INPP5A: variants seen among roughly 807,000 people sequenced by gnomAD.
The protein encoded by INPP5A is 43 kDa inositol polyphosphate 5-phophatase.
In INPP5A, 14 loss-of-function variants were observed where a neutral mutation model predicts 65.2. The observed-to-expected ratio is 0.21, with a 90% CI of 0.14 to 0.34. The LOEUF is 0.34. Among genes scored for constraint, INPP5A ranks in the 10% least tolerant of loss-of-function variants. The pLI is 1.00. For synonymous variants in INPP5A, 207 were observed against 208.3 expected (o/e 0.99, Z 0.05); for missense variants, 431 against 545.6 (o/e 0.79, Z 2.09).
chr10:132,782,056 C>A lies in INPP5A; in HGVS notation c.*27C>A. ...TGACAGGGAAGAGATGCCAGCGCCA[C>A]GAGAGGACACTTCGTGAGCCTCCCT... On this transcript the variant is annotated 3_prime_UTR_variant, in exon 16 of 16. Coordinates refer to ENST00000368594, the MANE Select transcript of INPP5A (RefSeq NM_005539.5). This position sits in a 1 kb window ranked among gnomAD's most constrained non-coding sequence, Gnocchi z 4.4. The A allele has an allele frequency of 1.3e-6, 2 of 1,569,486 alleles. No individual in the cohort carries two copies. The highest frequency in any genetic ancestry group is 8.7e-7 in the Non-Finnish European group (1 of 1,154,448).
chr10:132,770,308 G>C (rs779597880), intron 12 of INPP5A, among the ~76,000 whole-genome samples: 2 of 152,256 alleles, frequency 1.3e-5, no homozygotes, highest in Non-Finnish European at 2.9e-5. Flanking sequence ...GCCGGCCATC[G>C]GGTGGCTCCT....
At chr10:132,556,172 T>C (rs2071122663) in intron 1 of INPP5A, among the ~76,000 whole-genome samples, 1 of 152,158 alleles carries the variant, frequency 6.6e-6, no homozygotes, top group African/African-American at 2.4e-5. Context: ...GATGGCACGC[T>C]CCGGGGGCTG....
chr10:132,705,614 G>A lies in INPP5A; in HGVS notation c.475-2699G>A, dbSNP rs538360346. 1.1e-3 allele frequency among the ~76,000 whole-genome samples: 164 copies of A among 152,384 alleles called. 2 individuals carry two copies. The highest frequency in any genetic ancestry group is 3.8e-3 in the African/African-American group (160 of 41,594). On this transcript the variant is annotated intron_variant, in intron 6 of 15. Transcript: ENST00000368594. The surrounding 1 kb of genome is among the most constrained non-coding windows in gnomAD (Gnocchi z 4.9). The stretch of plus-strand genomic sequence containing the variant: ...TACCTTATGCTCAATTCTTCTGGAA[G>A]CCTAAAGCTGCTCTGAAAAATAAAG...
chr10:132,683,862 G>A (rs945792379), intron 4 of INPP5A, among the ~76,000 whole-genome samples: 1 of 152,126 alleles, frequency 6.6e-6, no homozygotes, highest in African/African-American at 2.4e-5. Flanking sequence ...TTACAAGCAT[G>A]GGCCACCACA....
chr10:132,555,396 T>C lies in INPP5A; in HGVS notation c.75+17225T>C, dbSNP rs1237456390. Among the ~76,000 whole-genome samples the C allele has an allele frequency of 6.6e-6, 1 of 152,076 alleles. No individual in the cohort carries two copies. Among genetic ancestry groups the C allele is most frequent in the African/African-American group, 2.4e-5 (1 of 41,388 alleles). ...GAGCTGCTGGGGCCTATCTGTTTTT[T>C]TGAACTTCTGATAAGTTGCCTGGCC... On this transcript the variant is annotated intron_variant, in intron 1 of 15. Coordinates refer to ENST00000368594, the MANE Select transcript of INPP5A (RefSeq NM_005539.5). The surrounding 1 kb of genome is among the most constrained non-coding windows in gnomAD (Gnocchi z 4.4).
rs1188929098 is a variant in INPP5A, at chr10:132,674,363, C to T, written c.307-16029C>T. Among the ~76,000 whole-genome samples, 6 of 152,340 alleles carry T rather than the reference C, an allele frequency of 3.9e-5. No homozygotes were observed. The East Asian group carries it at 1.2e-3, about 29-fold the overall frequency. ...CGGGTGCACTGCTTGAAGTTCTGCC[C>T]ACTGGGAAGATTTCCCTTCACCGCT... On this transcript the variant is annotated intron_variant, in intron 4 of 15. Coordinates refer to ENST00000368594, the MANE Select transcript of INPP5A (RefSeq NM_005539.5). This position sits in a 1 kb window ranked among gnomAD's most constrained non-coding sequence, Gnocchi z 4.4.
intron 1 of INPP5A, among the ~76,000 whole-genome samples, chr10:132,548,061 G>A (rs1297208336): frequency 6.6e-6 from 1 of 152,016 alleles, no homozygotes; most frequent in African/African-American, 2.4e-5. Flanking sequence ...CACCACACCC[G>A]GCTAAATTTT....
intron 14 of INPP5A, 148 bp downstream of exon 14, chr10:132,781,065 C>T (rs1273507958): frequency 3.1e-6 from 2 of 652,586 alleles, no homozygotes; most frequent in African/African-American, 1.8e-5. Flanking sequence ...GTTCTCCTGT[C>T]TTCTTAGTCT....
intron 4 of INPP5A, among the ~76,000 whole-genome samples, chr10:132,686,174 C>G (rs577856287): frequency 1.3e-5 from 2 of 152,148 alleles, no homozygotes; most frequent in Non-Finnish European, 2.9e-5. Context: ...TGGCCCGCAC[C>G]GGATCGACTT....
intron 1 of INPP5A, among the ~76,000 whole-genome samples, chr10:132,589,070 T>C (rs1325489178): frequency 6.6e-6 from 1 of 152,216 alleles, no homozygotes; most frequent in Non-Finnish European, 1.5e-5. Context: ...CAGTGGTCAC[T>C]GTTTCTTGGA....
intron 11 of INPP5A, among the ~76,000 whole-genome samples, chr10:132,756,345 T>C (rs1020555279): frequency 1.3e-4 from 20 of 152,108 alleles, no homozygotes; most frequent in Non-Finnish European, 5.9e-5. Context: ...GTGTGGTGTA[T>C]GCATGTGTGT....
At chr10:132,629,511 C>T (rs1362566671) in intron 2 of INPP5A, among the ~76,000 whole-genome samples, 2 of 152,192 alleles carry the variant, frequency 1.3e-5, no homozygotes, top group Non-Finnish European at 2.9e-5. Flanking sequence ...GGCTGTGGGG[C>T]GACGGGAGAC....
rs541825762 is a variant in INPP5A, at chr10:132,759,066, C to T, written c.904-6707C>T. Among the ~76,000 whole-genome samples, 114 of 152,358 alleles carry T rather than the reference C, an allele frequency of 7.5e-4. 1 individual carries two copies. Among genetic ancestry groups the T allele is most frequent in the Non-Finnish European group, 1.2e-3 (85 of 68,036 alleles). On this transcript the variant is annotated intron_variant, in intron 11 of 15. Transcript: ENST00000368594. ...TTGCAGAGACTTTTCTCCCCGAAGG[C>T]GGAGTTCTGATTTCCAGAGCACTGT...
intron 6 of INPP5A, among the ~76,000 whole-genome samples, chr10:132,699,171 G>A (rs140755962): frequency 0.026 from 3,885 of 152,314 alleles, 68 homozygotes; most frequent in Middle Eastern, 0.041. Context: ...GGCCACCTGT[G>A]GTGCAGGCCC....
chr10:132,613,623 C>T (rs1020865036), intron 2 of INPP5A, among the ~76,000 whole-genome samples: 2 of 152,198 alleles, frequency 1.3e-5, no homozygotes, highest in Admixed American at 6.5e-5. Flanking sequence ...GAGATTTCAG[C>T]GCCAATCCCC....
Position 132,650,414 on chromosome 10 carries a change from C to T in INPP5A, c.219-4C>T, listed in dbSNP as rs375468257. On this transcript the variant is annotated splice_polypyrimidine_tract_variant and splice_region_variant and intron_variant, in intron 3 of 15. Coordinates refer to ENST00000368594, the MANE Select transcript of INPP5A (RefSeq NM_005539.5). The surrounding 1 kb of genome is among the most constrained non-coding windows in gnomAD (Gnocchi z 5.5). ...TCCTCAGGAACCTACTTTCTTCCTT[C>T]CAGAGAACTATTGTCGAGTGATGCG... The T allele has an allele frequency of 1.7e-5, 27 of 1,610,794 alleles. No individual in the cohort carries two copies. The African/African-American group carries it at 3.5e-4, about 21-fold the overall frequency.
In INPP5A at chr10:132,735,454, C is replaced by T. The variant is rs767412592; in HGVS notation, c.732+8549C>T. 5.9e-5 allele frequency among the ~76,000 whole-genome samples: 9 copies of T among 152,228 alleles called. No individual in the cohort carries two copies. The South Asian group carries it at 1.0e-3, about 17-fold the overall frequency. ...GGGAATGCTGGAGGCTGGGGGCAGG[C>T]GGTGCCCGGTGGCACGGGCGCCCTG... On this transcript the variant is annotated intron_variant, in intron 9 of 15. Transcript: ENST00000368594.
chr10:132,743,641 C>G (rs1337939987), intron 9 of INPP5A, among the ~76,000 whole-genome samples: 2 of 152,242 alleles, frequency 1.3e-5, no homozygotes, highest in Non-Finnish European at 2.9e-5. Flanking sequence ...TGGACTCACT[C>G]CTCGTCACGT....
In INPP5A at chr10:132,542,176, C is replaced by T. The variant is rs140299984; in HGVS notation, c.75+4005C>T. On this transcript the variant is annotated intron_variant, in intron 1 of 15. Transcript: ENST00000368594. ...GGCGGGTATCTGCCTGGTGGCCCTTCCTGCTGCTTGTTCGCAGCTAAGTCA... is the reference window on the plus strand; with the variant it reads ...GGCGGGTATCTGCCTGGTGGCCCTTTCTGCTGCTTGTTCGCAGCTAAGTCA... Among the ~76,000 whole-genome samples, 91 of 152,384 alleles carry T rather than the reference C, an allele frequency of 6.0e-4. 2 individuals are homozygous for T. In the East Asian group the frequency reaches 8.9e-3, roughly 15 times the overall value.
Sources: gnomAD v4.1 joint callset for allele counts (sites outside exome capture counted in the v4.1 genomes callset) on GRCh38, gnomAD v4.1.1 for gene constraint, Gnocchi (gnomAD v3.1) non-coding constraint, MANE v1.5 for transcripts, NCBI Gene and HGNC (gene_info 2026-07-23, HGNC 2026-07-21) for gene names.